The following BFSP2 variants were observed in gnomAD, a reference collection of about 807,000 sequenced individuals.
BFSP2 encodes beaded filament structural protein 2.
A neutral mutation model predicts 44.9 loss-of-function variants in BFSP2; 38 were observed. The observed-to-expected ratio is 0.85, with a 90% confidence interval of 0.65 to 1.11. The LOEUF (loss-of-function observed/expected upper bound fraction) is 1.11. Ranked by LOEUF, BFSP2 falls within the 50% of genes least tolerant of loss-of-function variation. The pLI, the probability that BFSP2 is intolerant of heterozygous loss-of-function variation, is 0.00. For synonymous variants in BFSP2, 197 were observed against 209.9 expected, an observed-to-expected ratio of 0.94 and a Z score of 0.53; for missense variants, 525 against 533.0, an observed-to-expected ratio of 0.99 and a Z score of 0.15.
At position 133,457,728 on chromosome 3, in the gene BFSP2, T is replaced by C. The variant is rs57453726; in HGVS notation, c.891+7264T>C. 3.7e-3 allele frequency among the ~76,000 whole-genome samples: 568 copies of C among 152,316 alleles called. 4 individuals carry two copies. The highest frequency in any genetic ancestry group is 0.013 in the African/African-American group (546 of 41,556). On this transcript the variant is annotated intron_variant, in intron 4 of 6. Coordinates refer to ENST00000302334, the MANE Select transcript of BFSP2 (RefSeq NM_003571.4). ...CATGACCATCACATTCATTTACATA[T>C]CATCTATGGCTGCATTTGCACTACA...
chr3:133,411,459 T>C (rs937762323), intron 1 of BFSP2, among the ~76,000 whole-genome samples: 1 of 152,110 alleles, frequency 6.6e-6, no homozygotes. Flanking sequence ...GGCTATGACC[T>C]TCACAAAATG....
chr3:133,422,716 A>G lies in BFSP2; in HGVS notation c.489+22144A>G, dbSNP rs538631403. Among the ~76,000 whole-genome samples, 3 of 150,064 alleles carry G rather than the reference A, an allele frequency of 2.0e-5. No individual in the cohort carries two copies. The East Asian group carries it at 5.9e-4, about 30-fold the overall frequency. ...ATTCCTGAGGCTCAGGTGGTAGCCTATGCCCCAACATTAATGAAGCAGCAG... is the reference window on the plus strand; with the variant it reads ...ATTCCTGAGGCTCAGGTGGTAGCCTGTGCCCCAACATTAATGAAGCAGCAG... On this transcript the variant is annotated intron_variant, in intron 1 of 6. Transcript: ENST00000302334.
At chr3:133,444,449 C>A (rs2073877938) in intron 1 of BFSP2, among the ~76,000 whole-genome samples, 1 of 152,124 alleles carries the variant, frequency 6.6e-6, no homozygotes, top group African/African-American at 2.4e-5. Context: ...AAGCAACTGA[C>A]CCATGCTTGT....
rs1460494159 is a variant in BFSP2, at chr3:133,418,511, T to C, written c.489+17939T>C. On this transcript the variant is annotated intron_variant, in intron 1 of 6. Coordinates refer to ENST00000302334, the MANE Select transcript of BFSP2 (RefSeq NM_003571.4). ...GGAGATTGCCTGGGAAATGAGGCGC[T>C]CATGGCAGCATCCAGCCCACCCAGG... Among the ~76,000 whole-genome samples, 3 of 152,188 alleles carry C rather than the reference T, an allele frequency of 2.0e-5. No individual in the cohort carries two copies. In the East Asian group the frequency reaches 5.8e-4, roughly 30 times the overall value.
In BFSP2 at chr3:133,450,442, C is replaced by T. The variant is rs2073952720; in HGVS notation, c.869C>T (p.Ala290Val). ...ERDVEKNRVE[A>V]GALLQAKQQA... ...GATGTTGAAAAGAACCGGGTGGAGG[C>T]AGGAGCCCTGCTCCAAGCTAAGGTG... The change falls in exon 4 of 7, where the codon GCA becomes GTA. Residue 290 changes from alanine (A) to valine (V), a missense_variant. Transcript: ENST00000302334. The T allele has an allele frequency of 6.2e-7, 1 of 1,614,064 alleles. No individual in the cohort carries two copies. Among genetic ancestry groups the T allele is most frequent in the Non-Finnish European group, 8.5e-7 (1 of 1,179,994 alleles).
chr3:133,430,100 G>T (rs1399472700), intron 1 of BFSP2, among the ~76,000 whole-genome samples: 29 of 151,632 alleles, frequency 1.9e-4, no homozygotes, highest in Non-Finnish European at 2.9e-5. Context: ...CTTTTTTATG[G>T]CTGCATAGTA....
intron 1 of BFSP2, among the ~76,000 whole-genome samples, chr3:133,424,218 T>TGTGTGTGTGGGTGTGTGTG (rs1473665826): frequency 1.5e-5 from 1 of 64,752 alleles, no homozygotes; most frequent in African/African-American, 5.3e-5. Context: ...GCTAATTTTT[T>TGTGTGTGTGGGTGTGTGTG]TTTTTTTTTT....
At chr3:133,473,287 A>C (rs945167788) in intron 6 of BFSP2, among the ~76,000 whole-genome samples, 9 of 152,192 alleles carry the variant, frequency 5.9e-5, no homozygotes, top group Admixed American at 4.6e-4. Context: ...GATTTCATTA[A>C]GGACTCAAGC....
intron 4 of BFSP2, among the ~76,000 whole-genome samples, chr3:133,456,112 A>G (rs186445237): frequency 2.0e-5 from 3 of 152,312 alleles, no homozygotes; most frequent in African/African-American, 7.2e-5. Context: ...CTGTCTTAAG[A>G]GTCCCCAGGG....
chr3:133,434,293 C>G (rs528098447), intron 1 of BFSP2, among the ~76,000 whole-genome samples: 1 of 152,112 alleles, frequency 6.6e-6, no homozygotes, highest in Non-Finnish European at 1.5e-5. Flanking sequence ...CAGGCCATCA[C>G]CAATAATTCT....
intron 1 of BFSP2, chr3:133,412,556 T>C (rs561623874): frequency 3.3e-5 from 5 of 152,296 alleles, no homozygotes; most frequent in Non-Finnish European, 7.3e-5. Context: ...CCAAGGAAGA[T>C]GCCAGAAGAT....
intron 4 of BFSP2, among the ~76,000 whole-genome samples, chr3:133,464,824 T>G (rs1379523734): frequency 6.6e-6 from 1 of 152,100 alleles, no homozygotes; most frequent in Non-Finnish European, 1.5e-5. Context: ...TCTGAGAAGC[T>G]GAATGATGGC....
In BFSP2 at chr3:133,448,578, T is replaced by G; in HGVS notation, c.662T>G (p.Met221Arg). 1 of 1,614,072 alleles carries G rather than the reference T, an allele frequency of 6.2e-7. No homozygotes were observed. Among genetic ancestry groups the G allele is most frequent in the Non-Finnish European group, 8.5e-7 (1 of 1,180,004 alleles). Residue 221 changes from methionine to arginine, a missense_variant, in exon 3 of 7, where the codon ATG (methionine) becomes AGG (arginine). Physicochemically the swap from Met to Arg is moderately conservative, Grantham distance 91. Coordinates refer to ENST00000302334, the MANE Select transcript of BFSP2 (RefSeq NM_003571.4). ...KVIDEANLTK[M>R]DLESQIESLK... ...ATTGATGAGGCTAATTTGACTAAAA[T>G]GGACCTGGAGAGTCAAATAGAAAGT...
intron 6 of BFSP2, 113 bp downstream of exon 6, chr3:133,472,678 C>G (rs1009672317): frequency 2.9e-5 from 38 of 1,306,204 alleles, no homozygotes; most frequent in Non-Finnish European, 3.4e-5. Context: ...CAGACTTCCT[C>G]TCACATAGGC....
At chr3:133,431,110 C>T (rs2073712483) in intron 1 of BFSP2, among the ~76,000 whole-genome samples, 2 of 152,108 alleles carry the variant, frequency 1.3e-5, no homozygotes, top group Admixed American at 6.6e-5. Flanking sequence ...AGACGCTTTA[C>T]AGCCCTAGAC....
At chr3:133,419,810 A>C (rs1035957268) in intron 1 of BFSP2, among the ~76,000 whole-genome samples, 11 of 152,248 alleles carry the variant, frequency 7.2e-5, no homozygotes, top group Non-Finnish European at 1.6e-4. Flanking sequence ...CAGTGATTTT[A>C]ATACTCAGAA....
intron 4 of BFSP2, among the ~76,000 whole-genome samples, chr3:133,457,029 A>G (rs1037392259): frequency 1.3e-5 from 2 of 152,274 alleles, no homozygotes; most frequent in Non-Finnish European, 2.9e-5. Flanking sequence ...TCTAAGATAT[A>G]TGAAGCTGAA....
chr3:133,428,950 CTTAA>C (rs1274102011), intron 1 of BFSP2, among the ~76,000 whole-genome samples: 1 of 152,120 alleles, frequency 6.6e-6, no homozygotes, highest in Non-Finnish European at 1.5e-5. Context: ...TCATTCTGTT[CTTAA>C]TTATGAAATA....
chr3:133,415,250 A>C (rs1576561693), intron 1 of BFSP2, among the ~76,000 whole-genome samples: 10 of 45,102 alleles, frequency 2.2e-4, no homozygotes, highest in Admixed American at 5.7e-4. Flanking sequence ...CCCTCTACTC[A>C]CCCCTGCCCC....
Sources: gnomAD v4.1 joint callset for allele counts (sites outside exome capture counted in the v4.1 genomes callset) on GRCh38, gnomAD v4.1.1 for gene constraint, MANE v1.5 for transcripts, NCBI Gene and HGNC (gene_info 2026-07-23, HGNC 2026-07-21) for gene names.